The following CST9L variants were observed in gnomAD, a reference collection of about 807,000 sequenced individuals.
CST9L encodes the protein cystatin-9-like.
Under a neutral mutation model 13.2 loss-of-function variants are expected in CST9L, and 17 were observed. The ratio of observed to expected loss-of-function variants is 1.29; its 90% CI spans 0.88 to 1.93. The LOEUF is 1.93. CST9L is among the 30% of genes most tolerant of loss of function. CST9L has a pLI of 0.00. For synonymous variants in CST9L, 78 were observed against 69.1 expected (o/e 1.13, Z -0.64); for missense variants, 170 against 170.5 (o/e 1.00, Z 0.02).
chr20:23,567,104 C>T (rs1036349120), intron 1 of CST9L, among the ~76,000 whole-genome samples: 4 of 152,160 alleles, frequency 2.6e-5, no homozygotes, highest in Non-Finnish European at 5.9e-5. Flanking sequence ...GGGCCTTGCA[C>T]AGGGTCTTTC....
chr20:23,567,681 T>C (rs1272931731), intron 1 of CST9L, among the ~76,000 whole-genome samples: 1 of 152,132 alleles, frequency 6.6e-6, no homozygotes, highest in Non-Finnish European at 1.5e-5. Context: ...CTTCAGTTTA[T>C]TAAGTGCAGA....
At position 23,568,425 on chromosome 20, in the gene CST9L, C is replaced by T; in HGVS notation, c.26G>A (p.Gly9Asp). Reference protein sequence around the residue: MLGLPWKGGLSWALLLLLL... With the variant: MLGLPWKGDLSWALLLLLL... ...AAGCAGCAGCAGCGCCCAGGACAGA[C>T]CTCCCTTCCACGGCAGGCCCAGCAT... Residue 9 changes from glycine (G) to aspartate (D), a missense_variant, in exon 1 of 3, where the codon GGT (glycine) becomes GAT (aspartate). Gly to Asp is a moderately conservative substitution (Grantham distance 94, BLOSUM62 -1). Coordinates refer to ENST00000376979, the MANE Select transcript of CST9L (RefSeq NM_080610.3). 2 of 1,614,058 alleles carry T rather than the reference C, an allele frequency of 1.2e-6. No individual in the cohort carries two copies. Among genetic ancestry groups the T allele is most frequent in the South Asian group, 1.1e-5 (1 of 91,040 alleles).
intron 1 of CST9L, among the ~76,000 whole-genome samples, chr20:23,566,695 C>G (rs1263609213): frequency 2.0e-5 from 3 of 151,904 alleles, no homozygotes; most frequent in Non-Finnish European, 4.4e-5. Flanking sequence ...ACCAGCCTGG[C>G]CAACATGGTG....
In CST9L at chr20:23,567,536, C is replaced by G. The variant is rs115267651; in HGVS notation, c.240+675G>C. On this transcript the variant is annotated intron_variant, in intron 1 of 2. Coordinates refer to ENST00000376979, the MANE Select transcript of CST9L (RefSeq NM_080610.3). ...AAAAAAAAAAAAAAAAAGTCCTCAA[C>G]TTGGTGACTATTTTCATTGTTCATG... 6.4e-3 allele frequency among the ~76,000 whole-genome samples: 918 copies of G among 143,704 alleles called. 11 individuals carry two copies. The highest frequency in any genetic ancestry group is 0.021 in the African/African-American group (852 of 39,674). The allele number at this position is 143,704 out of a possible 152,430, so 94.3% of individuals were successfully genotyped here. A position where few individuals can be genotyped will look rare whatever the true frequency, so the allele number is the denominator to read the frequency against.
rs1241447618 is a variant in CST9L, at chr20:23,564,733, T to G, written c.*215A>C. 3 of 533,122 alleles carry G rather than the reference T, an allele frequency of 5.6e-6. No homozygotes were observed. The African/African-American group carries it at 5.7e-5, about 10-fold the overall frequency. 33.0% of individuals were successfully genotyped at this position (533,122 alleles called of 1,614,324 possible). ...TATCGAGAACTACAGCACACAAAGT[T>G]TCTTAAAATGCTGATGTTTAATGAT... On this transcript the variant is annotated 3_prime_UTR_variant, in exon 3 of 3. Transcript: ENST00000376979.
intron 2 of CST9L, among the ~76,000 whole-genome samples, chr20:23,565,571 G>A (rs2122337727): frequency 6.6e-6 from 1 of 152,230 alleles, no homozygotes; most frequent in East Asian, 1.9e-4. Flanking sequence ...GGGAGGGTAA[G>A]GAAACCCTGA....
rs181626817 is a variant in CST9L at position 23,566,419 on chromosome 20, G to A, written c.241-332C>T. On this transcript the variant is annotated intron_variant, in intron 1 of 2. Coordinates refer to ENST00000376979, the MANE Select transcript of CST9L (RefSeq NM_080610.3). Reference sequence around the variant, plus strand: ...AGGATGGCGCTATGTGCCTGGGGAGGGGTTTGGCTCTCCAAGAGCTTTCAG... The same window carrying A: ...AGGATGGCGCTATGTGCCTGGGGAGAGGTTTGGCTCTCCAAGAGCTTTCAG... Among the ~76,000 whole-genome samples, 1,241 of 152,318 alleles carry A rather than the reference G, an allele frequency of 8.1e-3. 19 individuals carry two copies. The highest frequency in any genetic ancestry group is 0.028 in the African/African-American group (1,173 of 41,580).
In CST9L at chr20:23,564,803, A is replaced by G; in HGVS notation, c.*145T>C. 1 of 665,946 alleles carries G rather than the reference A, an allele frequency of 1.5e-6. No individual in the cohort carries two copies. The highest frequency in any genetic ancestry group is 2.7e-6 in the Non-Finnish European group (1 of 364,328). 41.3% of individuals were successfully genotyped at this position (665,946 alleles called of 1,614,324 possible). On this transcript the variant is annotated 3_prime_UTR_variant, in exon 3 of 3. Transcript: ENST00000376979. ...TCAAGATGTGTGGATTTTCTAAAAC[A>G]CTGATCTGAGATCTCAAACACATGC...
At chr20:23,565,312 G>A (rs1474059303) in intron 2 of CST9L, among the ~76,000 whole-genome samples, 5 of 152,182 alleles carry the variant, frequency 3.3e-5, no homozygotes, top group Non-Finnish European at 7.3e-5. Context: ...GGGCTGTCCT[G>A]GTGTGATCCC....
chr20:23,565,138 C>T (rs1393581441), intron 2 of CST9L, 101 bp from the exon 3 acceptor site: 6 of 839,684 alleles, frequency 7.1e-6, no homozygotes, highest in African/African-American at 1.7e-5. Flanking sequence ...TGCCCTTTCC[C>T]AGGTCAAGCA....
intron 2 of CST9L, 71 bp downstream of exon 2, chr20:23,565,903 C>A (rs1252824263): frequency 1.2e-5 from 10 of 864,024 alleles, no homozygotes; most frequent in Admixed American, 1.7e-5. Flanking sequence ...GTCAGTTGCA[C>A]CTGTGCCCAC....
chr20:23,568,217 C>T lies in CST9L; in HGVS notation c.234G>A (p.Lys78=). The T allele has an allele frequency of 6.2e-7, 1 of 1,614,202 alleles. No individual in the cohort carries two copies. The change falls in exon 1 of 3, where the codon AAG becomes AAA. Residue 78 remains lysine, a synonymous_variant. Coordinates refer to ENST00000376979, the MANE Select transcript of CST9L (RefSeq NM_080610.3). ...AGGGTACGTGGTCACCAACCTGCTC[C>T]TTCCAGGAATTCAAGATGTGCCCCA... The part of the protein sequence containing the change: ...YRLGHILNSW[K]EQVESKTVFS...
intron 2 of CST9L, 83 bp downstream of exon 2, chr20:23,565,891 T>C: frequency 1.2e-6 from 1 of 822,630 alleles, no homozygotes; most frequent in South Asian, 1.3e-5. Flanking sequence ...CTAAGTCTCT[T>C]TGTCAGTTGC....
chr20:23,568,169 C>G, intron 1 of CST9L, 42 bp downstream of exon 1: 1 of 1,612,464 alleles, frequency 6.2e-7, no homozygotes, highest in Non-Finnish European at 8.5e-7. Flanking sequence ...CACTGAGCAG[C>G]ACATGCCAGA....
At chr20:23,566,810 C>T in intron 1 of CST9L, among the ~76,000 whole-genome samples, 1 of 152,152 alleles carries the variant, frequency 6.6e-6, no homozygotes, top group Non-Finnish European at 1.5e-5. Flanking sequence ...ATTGTTTGAA[C>T]CCGGGAGGCA....
chr20:23,566,046 C>A lies in CST9L; in HGVS notation c.282G>T (p.Gly94=). 6.2e-7 allele frequency: 1 copy of A among 1,610,430 alleles called. No individual in the cohort carries two copies. The highest frequency in any genetic ancestry group is 8.5e-7 in the Non-Finnish European group (1 of 1,176,552). ...KTVFSMELLL[G]RTRCGKFEDD... is the part of the protein sequence containing the mutation. ...CTTCAAATTTCCCACACCTAGTTCTCCCCAGCAGTAGCTCCATTGAGAATA... is the reference window on the plus strand; with the variant it reads ...CTTCAAATTTCCCACACCTAGTTCTACCCAGCAGTAGCTCCATTGAGAATA... Residue 94 remains glycine (G), a synonymous_variant, in exon 2 of 3, where the codon GGG becomes GGT. Coordinates refer to ENST00000376979, the MANE Select transcript of CST9L (RefSeq NM_080610.3).
At chr20:23,567,658 A>C (rs958609025) in intron 1 of CST9L, among the ~76,000 whole-genome samples, 7 of 152,150 alleles carry the variant, frequency 4.6e-5, no homozygotes, top group African/African-American at 1.7e-4. Flanking sequence ...TCTGAGGAAG[A>C]GTGTGAAACA....
Position 23,564,815 on chromosome 20 carries a change from T to C in CST9L, c.*133A>G, listed in dbSNP as rs989767490. ...GATTTTCTAAAACACTGATCTGAGATCTCAAACACATGCAAAATAGGATAA... is the reference window on the plus strand; with the variant it reads ...GATTTTCTAAAACACTGATCTGAGACCTCAAACACATGCAAAATAGGATAA... On this transcript the variant is annotated 3_prime_UTR_variant, in exon 3 of 3. Transcript: ENST00000376979. 9 of 704,832 alleles carry C rather than the reference T, an allele frequency of 1.3e-5. No homozygotes were observed. The highest frequency in any genetic ancestry group is 2.3e-5 in the Non-Finnish European group (9 of 383,716). The allele number at this position is 704,832 out of a possible 1,614,324, so 43.7% of individuals were successfully genotyped here. A position where few individuals can be genotyped will look rare whatever the true frequency, so the allele number is the denominator to read the frequency against.
rs1225341828 is a variant in CST9L at position 23,564,960 on chromosome 20, C to A, written c.432G>T (p.Glu144Asp). Residue 144 changes from glutamate to aspartate, a missense_variant, in exon 3 of 3, where the codon GAG becomes GAT. Physicochemically the swap from Glu to Asp is conservative, Grantham distance 45. Transcript: ENST00000376979. The stretch of plus-strand genomic sequence containing the variant: ...GAGTGGGTTTCACTCAGTGGAATCC[C>A]TCCAAGCAGGTCTTGTTCAGGAGGC... ...QFSLLNKTCLEGFH is the reference protein window; with the variant it reads ...QFSLLNKTCLDGFH 2.5e-6 allele frequency: 4 copies of A among 1,612,826 alleles called. No homozygotes were observed. Among genetic ancestry groups the A allele is most frequent in the Non-Finnish European group, 8.5e-7 (1 of 1,178,814 alleles).
Sources: gnomAD v4.1 joint callset for allele counts (sites outside exome capture counted in the v4.1 genomes callset) on GRCh38, gnomAD v4.1.1 for gene constraint, MANE v1.5 for transcripts, NCBI Gene and HGNC (gene_info 2026-07-23, HGNC 2026-07-21) for gene names.